CEP72: variants seen among roughly 807,000 people sequenced by gnomAD.
CEP72 encodes the protein centrosomal protein 72, also known as centrosomal protein of 72 kDa.
CEP72 carries 78 observed loss-of-function variants against 65.7 expected under a neutral mutation model. The ratio of observed to expected loss-of-function variants is 1.19; its 90% CI spans 0.99 to 1.43. The LOEUF (loss-of-function observed/expected upper bound fraction) is 1.43. CEP72 is among the 40% of genes most tolerant of loss of function. The probability of loss-of-function intolerance (pLI) is 0.00; values close to 1 mark genes in which losing one functional copy is unlikely to be tolerated. For synonymous variants in CEP72, 358 were observed against 351.7 expected, an observed-to-expected ratio of 1.02 and a Z score of -0.20; for missense variants, 914 against 832.9, an observed-to-expected ratio of 1.10 and a Z score of -1.20.
intron 9 of CEP72, 148 bp from the exon 10 acceptor site, chr5:644,151 A>C: frequency 2.4e-6 from 2 of 837,920 alleles, no homozygotes; most frequent in South Asian, 1.6e-5. Context: ...AGGGAGATGT[A>C]CCGTGAAACT....
At chr5:635,799 C>T (rs1305633110) in intron 6 of CEP72, among the ~76,000 whole-genome samples, 2 of 152,278 alleles carry the variant, frequency 1.3e-5, no homozygotes, top group African/African-American at 4.8e-5. Flanking sequence ...GAGCTAGACT[C>T]ATCCTTTATC....
At chr5:633,204 A>C (rs58024809) in intron 4 of CEP72, among the ~76,000 whole-genome samples, 13 of 45,876 alleles carry the variant, frequency 2.8e-4, no homozygotes, top group Middle Eastern at 0.015. Context: ...CGGGATTTAG[A>C]CCAGTCCTGG....
chr5:671,614 C>A (rs564546450), downstream of CEP72, among the ~76,000 whole-genome samples: 93 of 152,320 alleles, frequency 6.1e-4, no homozygotes, highest in African/African-American at 2.1e-3. Context: ...GCTGGTGCTG[C>A]CCGGCCTGCA....
chr5:637,903 C>T (rs1289168907), intron 7 of CEP72, 85 bp downstream of exon 7: 15 of 1,285,356 alleles, frequency 1.2e-5, no homozygotes, highest in South Asian at 7.7e-5. Flanking sequence ...GCCGTGATTA[C>T]GCCTGCGGCA....
intron 11 of CEP72, among the ~76,000 whole-genome samples, chr5:649,321 G>A (rs1738740181): frequency 8.1e-6 from 1 of 123,330 alleles, no homozygotes; most frequent in Non-Finnish European, 1.6e-5. Context: ...AGGCGTGACT[G>A]TGAGGCGTGA....
chr5:657,584 T>C (rs1397128960), downstream of CEP72, among the ~76,000 whole-genome samples: 1 of 152,260 alleles, frequency 6.6e-6, no homozygotes, highest in African/African-American at 2.4e-5. Flanking sequence ...TGATCCAGTA[T>C]AACTCAGTGT....
chr5:670,341 C>G (rs1332404912), downstream of CEP72, among the ~76,000 whole-genome samples: 1 of 152,190 alleles, frequency 6.6e-6, no homozygotes, highest in African/African-American at 2.4e-5. Flanking sequence ...CTCTCTGGGC[C>G]TGCAGCTGCT....
chr5:635,254 G>T (rs1015165015), intron 5 of CEP72, 118 bp from the exon 6 acceptor site: 2 of 752,406 alleles, frequency 2.7e-6, no homozygotes, highest in Middle Eastern at 3.9e-4. Flanking sequence ...CCCAGCACGT[G>T]ATTAACCCCT....
intron 4 of CEP72, chr5:666,158 G>C (rs1268732599): frequency 1.9e-6 from 3 of 1,542,210 alleles, no homozygotes; most frequent in African/African-American, 1.7e-5. Flanking sequence ...GCTGGGCGCG[G>C]GCCGGCCCAG....
chr5:652,356 G>A (rs1649883076), intron 11 of CEP72, among the ~76,000 whole-genome samples: 1 of 152,202 alleles, frequency 6.6e-6, no homozygotes, highest in African/African-American at 2.4e-5. Flanking sequence ...TCAGTGGGGT[G>A]CCCATCTCTG....
chr5:627,728 A>G lies in CEP72; in HGVS notation c.512+3149A>G, dbSNP rs1382789942. ...TTTCAAATTTTTTCTCTTCTAATACATATAGGAATAAAGGAAGCACTTATT... is the reference window on the plus strand; with the variant it reads ...TTTCAAATTTTTTCTCTTCTAATACGTATAGGAATAAAGGAAGCACTTATT... On this transcript the variant is annotated intron_variant, in intron 4 of 11. Transcript: ENST00000264935. Among the ~76,000 whole-genome samples the G allele has an allele frequency of 2.6e-5, 4 of 152,340 alleles. No individual in the cohort carries two copies. The Middle Eastern group carries it at 0.01, about 389-fold the overall frequency.
Position 653,301 on chromosome 5 carries a change from C to T in CEP72, c.*148C>T. 1 of 769,312 alleles carries T rather than the reference C, an allele frequency of 1.3e-6. No homozygotes were observed. Among genetic ancestry groups the T allele is most frequent in the Non-Finnish European group, 1.9e-6 (1 of 520,404 alleles). The allele number at this position is 769,312 out of a possible 1,614,324, so 47.7% of individuals were successfully genotyped here. ...AGGATTTTTGGAATGTATTCAGGACCTGTAGCTTGGTTTTCTAAAGCACCT... is the reference window on the plus strand; with the variant it reads ...AGGATTTTTGGAATGTATTCAGGACTTGTAGCTTGGTTTTCTAAAGCACCT... On this transcript the variant is annotated 3_prime_UTR_variant, in exon 12 of 12. Coordinates refer to ENST00000264935, the MANE Select transcript of CEP72 (RefSeq NM_018140.4).
intron 2 of CEP72, 91 bp from the exon 3 acceptor site, chr5:619,978 C>T: frequency 2.1e-6 from 2 of 957,484 alleles, no homozygotes; most frequent in South Asian, 1.5e-5. Context: ...TAAGTTTATA[C>T]AGTTGGTTGG....
intron 4 of CEP72, among the ~76,000 whole-genome samples, chr5:666,581 G>C (rs1350756599): frequency 6.6e-6 from 1 of 152,198 alleles, no homozygotes; most frequent in Non-Finnish European, 1.5e-5. Context: ...CCGGACACTT[G>C]GCAGCATGGG....
Position 624,598 on chromosome 5 carries a change from C to A in CEP72, c.512+19C>A. On this transcript the variant is annotated intron_variant, in intron 4 of 11. Transcript: ENST00000264935. The surrounding 1 kb of genome is among the most constrained non-coding windows in gnomAD (Gnocchi z 4.7). Reference sequence around the variant, plus strand: ...AGGGCAGGTATGAACGGAAGTGCTACGGACACCCAGAGTGTTTCTGACTGG... The same window carrying A: ...AGGGCAGGTATGAACGGAAGTGCTAAGGACACCCAGAGTGTTTCTGACTGG... 2 of 1,525,450 alleles carry A rather than the reference C, an allele frequency of 1.3e-6. No individual in the cohort carries two copies. The highest frequency in any genetic ancestry group is 1.8e-6 in the Non-Finnish European group (2 of 1,099,162). 94.5% of individuals were successfully genotyped at this position (1,525,450 alleles called of 1,614,324 possible).
chr5:637,109 G>C (rs550117432), intron 6 of CEP72, among the ~76,000 whole-genome samples: 29 of 152,156 alleles, frequency 1.9e-4, no homozygotes, highest in Non-Finnish European at 2.2e-4. Context: ...ACCACTTTAC[G>C]GACCATCAGA....
chr5:620,076 A>G lies in CEP72; in HGVS notation c.218A>G (p.Gln73Arg), dbSNP rs996767737. Reference protein sequence around the residue: ...RNSLVSLEGIQYLTALESLNL... With the variant: ...RNSLVSLEGIRYLTALESLNL... ...TGTGTTTTCTGTTGACAGGGCATTCAGTACCTGACTGCATTGGAGAGTCTC... is the reference window on the plus strand; with the variant it reads ...TGTGTTTTCTGTTGACAGGGCATTCGGTACCTGACTGCATTGGAGAGTCTC... Residue 73 changes from glutamine to arginine, a missense_variant, in exon 3 of 12, where the codon CAG becomes CGG. Transcript: ENST00000264935. 3.8e-6 allele frequency: 6 copies of G among 1,599,396 alleles called. No homozygotes were observed. Among genetic ancestry groups the G allele is most frequent in the Non-Finnish European group, 5.1e-6 (6 of 1,167,252 alleles).
At chr5:633,104 G>T (rs867367560) in intron 4 of CEP72, among the ~76,000 whole-genome samples, 89 of 54,562 alleles carry the variant, frequency 1.6e-3, no homozygotes, top group African/African-American at 5.9e-3. Flanking sequence ...CTGGTGGGGT[G>T]CTGTCCAGTG....
chr5:668,713 G>A (rs886408737), downstream of CEP72, among the ~76,000 whole-genome samples: 2 of 152,256 alleles, frequency 1.3e-5, no homozygotes, highest in African/African-American at 4.8e-5. Context: ...TGAAAACAGA[G>A]GCTCACACAT....
Sources: gnomAD v4.1 joint callset for allele counts (sites outside exome capture counted in the v4.1 genomes callset) on GRCh38, gnomAD v4.1.1 for gene constraint, Gnocchi (gnomAD v3.1) non-coding constraint, MANE v1.5 for transcripts, NCBI Gene and HGNC (gene_info 2026-07-23, HGNC 2026-07-21) for gene names.